ARB2A: variants seen among roughly 807,000 people sequenced by gnomAD.
ARB2A encodes ARB2 cotranscriptional regulator A.
At chr5:93,891,182 A>G in the ARB2A span, among the ~76,000 whole-genome samples, 1 of 152,110 alleles carries the variant, frequency 6.6e-6, no homozygotes, top group Non-Finnish European at 1.5e-5. Context: ...GTTTAACTTC[A>G]CATATCTTGC....
the ARB2A span, among the ~76,000 whole-genome samples, chr5:93,702,227 A>T: frequency 6.6e-6 from 1 of 152,290 alleles, no homozygotes; most frequent in Admixed American, 6.5e-5. Context: ...TTAAAGGAAG[A>T]ACAGAATTTT....
chr5:93,701,174 T>G, the ARB2A span, among the ~76,000 whole-genome samples: 3 of 152,188 alleles, frequency 2.0e-5, no homozygotes, highest in East Asian at 5.8e-4. Context: ...GTTTGCACTT[T>G]CATTATTGTT....
At chr5:93,881,662 A>T in the ARB2A span, 1 of 1,589,912 alleles carries the variant, frequency 6.3e-7, no homozygotes, top group Non-Finnish European at 8.6e-7. Context: ...TTTCATTGGG[A>T]TTTAGTACTA....
chr5:93,700,878 C>G, the ARB2A span, among the ~76,000 whole-genome samples: 12,749 of 152,116 alleles, frequency 0.084, 759 homozygotes, highest in Middle Eastern at 0.17. Context: ...TAAAAACACT[C>G]TCTCTGTAAA....
the ARB2A span, among the ~76,000 whole-genome samples, chr5:93,975,380 A>G: frequency 6.6e-6 from 1 of 151,682 alleles, no homozygotes; most frequent in Non-Finnish European, 1.5e-5. Flanking sequence ...CCTTGCACCT[A>G]AGGGAACTAG....
At chr5:94,102,670 C>A in the ARB2A span, among the ~76,000 whole-genome samples, 1 of 151,904 alleles carries the variant, frequency 6.6e-6, no homozygotes, top group Non-Finnish European at 1.5e-5. Context: ...GCAGAGAACC[C>A]CTGTAAGATG....
chr5:93,908,374 A>T, the ARB2A span, among the ~76,000 whole-genome samples: 2 of 150,968 alleles, frequency 1.3e-5, no homozygotes, highest in African/African-American at 2.4e-5. Context: ...ATAAACATTT[A>T]AAAAATAAAC....
the ARB2A span, among the ~76,000 whole-genome samples, chr5:93,975,118 C>G: frequency 5.3e-5 from 8 of 151,670 alleles, no homozygotes; most frequent in African/African-American, 1.9e-4. Flanking sequence ...ATGGAGACCA[C>G]CCTGGCTAAC....
At chr5:93,958,264 TAAAAAAC>T in the ARB2A span, among the ~76,000 whole-genome samples, 14 of 152,034 alleles carry the variant, frequency 9.2e-5, no homozygotes, top group Non-Finnish European at 2.1e-4. Flanking sequence ...TTGTGGGCTC[TAAAAAAC>T]ATTTTAAAGA....
the ARB2A span, among the ~76,000 whole-genome samples, chr5:94,017,602 G>A: frequency 2.0e-5 from 3 of 152,294 alleles, no homozygotes; most frequent in African/African-American, 7.2e-5. Context: ...AACCAGATAT[G>A]CTAAAAGAGT....
the ARB2A span, among the ~76,000 whole-genome samples, chr5:94,086,198 CAAT>C: frequency 2.0e-5 from 3 of 152,176 alleles, no homozygotes; most frequent in Admixed American, 6.5e-5. Flanking sequence ...ATATAATCAA[CAAT>C]AACCTTGGTT....
the ARB2A span, among the ~76,000 whole-genome samples, chr5:93,711,635 C>T: frequency 6.6e-6 from 1 of 152,206 alleles, no homozygotes; most frequent in East Asian, 1.9e-4. Flanking sequence ...CAGAAATCAA[C>T]CAAAAGCAAA....
chr5:94,073,830 A>G, the ARB2A span, among the ~76,000 whole-genome samples: 1 of 152,060 alleles, frequency 6.6e-6, no homozygotes, highest in African/African-American at 2.4e-5. Flanking sequence ...AAGTTCTCCA[A>G]TCAGGCTTTC....
the ARB2A span, among the ~76,000 whole-genome samples, chr5:94,061,584 A>G: frequency 6.6e-6 from 1 of 152,348 alleles, no homozygotes; most frequent in Non-Finnish European, 1.5e-5. Flanking sequence ...AGAACAAACA[A>G]GCAAGTTCAG....
the ARB2A span, among the ~76,000 whole-genome samples, chr5:93,947,032 A>G: frequency 3.2e-4 from 48 of 152,214 alleles, no homozygotes; most frequent in East Asian, 8.9e-3. Context: ...TATATTCTGC[A>G]TACTGTCTTC....
At chr5:93,801,863 A>T in the ARB2A span, among the ~76,000 whole-genome samples, 2 of 152,190 alleles carry the variant, frequency 1.3e-5, no homozygotes, top group East Asian at 1.9e-4. Flanking sequence ...CTGAATGGCT[A>T]AAGTGGAATG....
the ARB2A span, chr5:93,824,321 G>C: frequency 7.7e-7 from 1 of 1,294,590 alleles, no homozygotes; most frequent in Non-Finnish European, 1.0e-6. Flanking sequence ...TATTATCATA[G>C]CAAACAACAA....
the ARB2A span, among the ~76,000 whole-genome samples, chr5:93,743,951 C>T: frequency 6.6e-6 from 1 of 152,080 alleles, no homozygotes. Flanking sequence ...CAGGCATGAG[C>T]CATCGCGCCT....
the ARB2A span, among the ~76,000 whole-genome samples, chr5:93,767,692 G>T: frequency 6.6e-6 from 1 of 151,938 alleles, no homozygotes; most frequent in Non-Finnish European, 1.5e-5. Flanking sequence ...ATACTACTCA[G>T]CCATAAAAAG....
Sources: allele counts gnomAD v4.1 joint callset (sites outside exome capture counted in the v4.1 genomes callset), GRCh38; gene constraint gnomAD v4.1.1; transcripts MANE v1.5; gene names NCBI Gene and HGNC (gene_info 2026-07-23, HGNC 2026-07-21).